Variants in EDNRA observed in about 807,000 individuals in gnomAD.
EDNRA encodes the protein endothelin receptor type A, also known as endothelin-1 receptor.
In EDNRA, 11 loss-of-function variants were observed where a neutral mutation model predicts 41.4. The ratio of observed to expected loss-of-function variants is 0.27; its 90% CI spans 0.17 to 0.44. The LOEUF (loss-of-function observed/expected upper bound fraction) is 0.44, where lower values mean the gene tolerates loss of function less well. Among genes scored for constraint, EDNRA ranks in the 20% least tolerant of loss-of-function variants. EDNRA has a pLI of 1.00. For synonymous variants in EDNRA, 172 were observed against 183.0 expected (o/e 0.94, Z 0.49); for missense variants, 294 against 531.0 (o/e 0.55, Z 4.39).
intron 2 of EDNRA, among the ~76,000 whole-genome samples, chr4:147,509,826 A>G (rs1012621956): frequency 1.3e-5 from 2 of 152,062 alleles, no homozygotes; most frequent in African/African-American, 2.4e-5. Flanking sequence ...CTGATTTTAC[A>G]TTATGGTGAG....
chr4:147,514,537 G>T (rs751794950), intron 2 of EDNRA, among the ~76,000 whole-genome samples: 3 of 152,088 alleles, frequency 2.0e-5, no homozygotes, highest in Non-Finnish European at 4.4e-5. Flanking sequence ...ACAATGGCAT[G>T]ATCTCGGCTC....
intron 7 of EDNRA, 55 bp from the exon 8 acceptor site, chr4:147,542,423 T>TG: frequency 6.2e-7 from 1 of 1,610,218 alleles, no homozygotes; most frequent in South Asian, 1.1e-5. Context: ...CCGCTGTGTT[T>TG]GGCCGGGAAT....
intron 2 of EDNRA, chr4:147,494,637 G>C (rs554656384): frequency 6.6e-6 from 1 of 152,318 alleles, no homozygotes; most frequent in Admixed American, 6.5e-5. Flanking sequence ...AGCACATAGG[G>C]CCTGATAGCA....
intron 5 of EDNRA, among the ~76,000 whole-genome samples, chr4:147,538,547 G>A: frequency 6.6e-6 from 1 of 152,192 alleles, no homozygotes; most frequent in East Asian, 1.9e-4. Flanking sequence ...ACTCAGGAAA[G>A]GTAACCTCTC....
intron 3 of EDNRA, among the ~76,000 whole-genome samples, chr4:147,521,110 T>C (rs1202675400): frequency 1.3e-5 from 2 of 151,954 alleles, no homozygotes; most frequent in African/African-American, 4.8e-5. Context: ...TACAAAAAAT[T>C]AGCTGGACAT....
intron 2 of EDNRA, among the ~76,000 whole-genome samples, chr4:147,505,326 C>CTTTTTTTTTT (rs1729660192): frequency 1.1e-4 from 9 of 82,024 alleles, no homozygotes; most frequent in African/African-American, 3.8e-4. Flanking sequence ...TTTCTTTTTT[C>CTTTTTTTTTT]ATTTTTTTTT....
chr4:147,542,774 G>A lies in EDNRA; in HGVS notation c.*156G>A. The A allele has an allele frequency of 4.6e-6, 4 of 874,734 alleles. No homozygotes were observed. The highest frequency in any genetic ancestry group is 3.0e-5 in the Admixed American group (1 of 33,140). 54.2% of individuals were successfully genotyped at this position (874,734 alleles called of 1,614,324 possible). A position where few individuals can be genotyped will look rare whatever the true frequency, so the allele number is the denominator to read the frequency against. On this transcript the variant is annotated 3_prime_UTR_variant, in exon 8 of 8. Transcript: ENST00000651419. ...CTTTCCAAAACCGCAAGGGTAGACT[G>A]GTTTATCCACCCACAACATCTACGA...
chr4:147,540,034 A>T (rs913542360), intron 6 of EDNRA, 84 bp downstream of exon 6: 2 of 1,502,200 alleles, frequency 1.3e-6, no homozygotes, highest in Non-Finnish European at 1.8e-6. Flanking sequence ...GCTACTCTAC[A>T]TGCCCGTTAG....
chr4:147,524,329 T>C lies in EDNRA; in HGVS notation c.548+4351T>C, dbSNP rs10011234. Among the ~76,000 whole-genome samples the C allele has an allele frequency of 8.2e-3, 1,245 of 152,146 alleles. 12 individuals carry two copies. Among genetic ancestry groups the C allele is most frequent in the African/African-American group, 0.028 (1,177 of 41,488 alleles). On this transcript the variant is annotated intron_variant, in intron 3 of 7. Coordinates refer to ENST00000651419, the MANE Select transcript of EDNRA (RefSeq NM_001957.4). ...GCCCAGTGTTGAGTCGGGGAGATAC[T>C]GGGAAAGTTAGGTCATAGATTCCTA...
intron 2 of EDNRA, among the ~76,000 whole-genome samples, chr4:147,518,799 T>C (rs1730210559): frequency 6.6e-6 from 1 of 152,094 alleles, no homozygotes; most frequent in African/African-American, 2.4e-5. Flanking sequence ...TACTGTTTCC[T>C]AGTGAGTTAA....
Position 147,542,663 on chromosome 4 carries a change from G to A in EDNRA, c.*45G>A. On this transcript the variant is annotated 3_prime_UTR_variant, in exon 8 of 8. Transcript: ENST00000651419. Reference sequence around the variant, plus strand: ...TCGGTACTCCCATAATCCTCTCGGAGAAAAAAATCACAAGGCAACTGTGAG... The same window carrying A: ...TCGGTACTCCCATAATCCTCTCGGAAAAAAAAATCACAAGGCAACTGTGAG... The A allele has an allele frequency of 1.3e-6, 2 of 1,589,474 alleles. No individual in the cohort carries two copies. Among genetic ancestry groups the A allele is most frequent in the South Asian group, 1.1e-5 (1 of 87,800 alleles).
intron 2 of EDNRA, among the ~76,000 whole-genome samples, chr4:147,512,779 G>C (rs937328792): frequency 1.3e-5 from 2 of 152,176 alleles, no homozygotes; most frequent in African/African-American, 4.8e-5. Context: ...AGCTCCCAGG[G>C]AAGATTGCTT....
intron 2 of EDNRA, among the ~76,000 whole-genome samples, chr4:147,513,987 C>T (rs566833693): frequency 6.6e-5 from 10 of 152,150 alleles, no homozygotes; most frequent in African/African-American, 9.7e-5. Flanking sequence ...GATAAAGAGG[C>T]ATAAGTTCGT....
chr4:147,538,847 A>G (rs911236762), intron 5 of EDNRA, among the ~76,000 whole-genome samples: 2 of 152,140 alleles, frequency 1.3e-5, no homozygotes, highest in Admixed American at 1.3e-4. Flanking sequence ...TATATGTTTC[A>G]GGTTGAGCCA....
At chr4:147,502,638 T>A (rs1729555448) in intron 2 of EDNRA, among the ~76,000 whole-genome samples, 1 of 152,180 alleles carries the variant, frequency 6.6e-6, no homozygotes, top group African/African-American at 2.4e-5. Flanking sequence ...TCCCATTTTT[T>A]GACACAGATC....
At chr4:147,496,482 G>C (rs1729304807) in intron 2 of EDNRA, among the ~76,000 whole-genome samples, 2 of 152,194 alleles carry the variant, frequency 1.3e-5, no homozygotes, top group Admixed American at 6.5e-5. Flanking sequence ...CATACACATA[G>C]AATAATGTGC....
At chr4:147,504,339 C>A (rs1352839644) in intron 2 of EDNRA, among the ~76,000 whole-genome samples, 1 of 152,174 alleles carries the variant, frequency 6.6e-6, no homozygotes, top group Non-Finnish European at 1.5e-5. Flanking sequence ...AGATCGTTTA[C>A]ATAAGCATGG....
chr4:147,496,976 G>A lies in EDNRA; in HGVS notation c.420+10875G>A, dbSNP rs113272295. 2.2e-3 allele frequency among the ~76,000 whole-genome samples: 328 copies of A among 151,990 alleles called. 1 individual carries two copies. The highest frequency in any genetic ancestry group is 7.3e-3 in the African/African-American group (303 of 41,440). ...AAAAACCTATAGCTGTGTACATAAT[G>A]ATATCTGTCATATTTATGTATCAAC... On this transcript the variant is annotated intron_variant, in intron 2 of 7. Transcript: ENST00000651419.
intron 2 of EDNRA, among the ~76,000 whole-genome samples, chr4:147,518,964 A>C (rs547006671): frequency 6.6e-6 from 1 of 152,222 alleles, no homozygotes; most frequent in Admixed American, 6.5e-5. Context: ...ACCTAATTAG[A>C]CAAATACAGA....
Sources: gnomAD v4.1 joint callset for allele counts (sites outside exome capture counted in the v4.1 genomes callset) on GRCh38, gnomAD v4.1.1 for gene constraint, MANE v1.5 for transcripts, NCBI Gene and HGNC (gene_info 2026-07-23, HGNC 2026-07-21) for gene names.